AGMO: variants seen among roughly 807,000 people sequenced by gnomAD.
AGMO encodes the protein glyceryl-ether monooxygenase.
Under a neutral mutation model 60.2 loss-of-function variants are expected in AGMO, and 75 were observed. The ratio of observed to expected loss-of-function variants is 1.25; its 90% CI spans 1.03 to 1.51. The LOEUF is 1.51. Ranked by LOEUF, AGMO falls within the 40% of genes most tolerant of loss-of-function variation. The probability of loss-of-function intolerance (pLI) is 0.00; values close to 1 mark genes in which losing one functional copy is unlikely to be tolerated. For missense variants in AGMO, 763 were observed against 525.5 expected, an observed-to-expected ratio of 1.45 and a Z score of -4.42; for synonymous variants, 261 against 177.1, an observed-to-expected ratio of 1.47 and a Z score of -3.76.
At chr7:15,241,743 TTAC>T (rs1467460959) in intron 12 of AGMO, among the ~76,000 whole-genome samples, 3 of 152,154 alleles carry the variant, frequency 2.0e-5, no homozygotes, top group Non-Finnish European at 4.4e-5. Context: ...CCATTTATTG[TTAC>T]ATAATTTTGT....
rs1478712319 is a variant in AGMO, at chr7:15,551,149, A to G, written c.258-6226T>C. On this transcript the variant is annotated intron_variant, in intron 2 of 12. Coordinates refer to ENST00000342526, the MANE Select transcript of AGMO (RefSeq NM_001004320.2). ...ATGCTAAAAGCTCTCAATAAATTAG[A>G]TATTGATGGGACGTATTTCAAAATA... Among the ~76,000 whole-genome samples the G allele has an allele frequency of 3.9e-5, 6 of 152,296 alleles. No homozygotes were observed. The East Asian group carries it at 5.8e-4, about 15-fold the overall frequency.
At chr7:15,512,804 C>A (rs574002669) in intron 3 of AGMO, among the ~76,000 whole-genome samples, 5 of 152,014 alleles carry the variant, frequency 3.3e-5, no homozygotes, top group African/African-American at 1.2e-4. Context: ...TACATGAAAC[C>A]GCACTTTATT....
chr7:15,448,605 A>C (rs1781768913), intron 3 of AGMO, among the ~76,000 whole-genome samples: 1 of 122,620 alleles, frequency 8.2e-6, no homozygotes, highest in Admixed American at 8.5e-5. Context: ...TTCTCCATAA[A>C]GTTTAATTTT....
At chr7:15,140,927 T>TTG in the AGMO span, among the ~76,000 whole-genome samples, 1 of 152,166 alleles carries the variant, frequency 6.6e-6, no homozygotes, top group African/African-American at 2.4e-5. Context: ...ATTTGTTTTC[T>TTG]TGTGTGTTTG....
chr7:15,461,130 G>A (rs1782130815), intron 3 of AGMO, among the ~76,000 whole-genome samples: 1 of 151,950 alleles, frequency 6.6e-6, no homozygotes, highest in Admixed American at 6.6e-5. Context: ...TCCAGCTGAA[G>A]CCTGAGTCAT....
chr7:15,450,428 A>G (rs1583565174), intron 3 of AGMO, among the ~76,000 whole-genome samples: 3 of 152,104 alleles, frequency 2.0e-5, no homozygotes, highest in South Asian at 4.2e-4. Context: ...TCAAAAAAAA[A>G]AAAAAGAAAA....
intron 3 of AGMO, among the ~76,000 whole-genome samples, chr7:15,518,691 G>A (rs1783892046): frequency 6.6e-6 from 1 of 152,016 alleles, no homozygotes; most frequent in African/African-American, 2.4e-5. Context: ...AAGACCAAAG[G>A]TAGACAAATC....
At chr7:15,549,578 A>G (rs1391223501) in intron 2 of AGMO, among the ~76,000 whole-genome samples, 2 of 150,726 alleles carry the variant, frequency 1.3e-5, no homozygotes, top group Non-Finnish European at 3.0e-5. Context: ...GAAGGCCATT[A>G]CATAATGGTA....
chr7:15,192,074 G>C, the AGMO span, among the ~76,000 whole-genome samples: 5 of 151,806 alleles, frequency 3.3e-5, no homozygotes, highest in Admixed American at 6.6e-5. Context: ...ATTCAAAACT[G>C]TTTCCAAAAT....
chr7:15,395,741 A>G (rs1184256797), intron 5 of AGMO, among the ~76,000 whole-genome samples: 4 of 152,242 alleles, frequency 2.6e-5, no homozygotes, highest in Non-Finnish European at 5.9e-5. Flanking sequence ...AACTGCTAGT[A>G]ATGTCCATAA....
At chr7:15,478,487 A>G (rs1170980044) in intron 3 of AGMO, among the ~76,000 whole-genome samples, 1 of 152,134 alleles carries the variant, frequency 6.6e-6, no homozygotes, top group Non-Finnish European at 1.5e-5. Context: ...GCTGAAGCAA[A>G]CCAGCTAATA....
At chr7:15,120,215 C>T in the AGMO span, among the ~76,000 whole-genome samples, 1 of 151,986 alleles carries the variant, frequency 6.6e-6, no homozygotes, top group Non-Finnish European at 1.5e-5. Flanking sequence ...TTTGAAGTCA[C>T]CCCCACTAGA....
chr7:15,313,699 G>T (rs1010147996), intron 12 of AGMO, among the ~76,000 whole-genome samples: 7 of 152,148 alleles, frequency 4.6e-5, no homozygotes, highest in South Asian at 2.1e-4. Flanking sequence ...ACCTCCAGTG[G>T]ATGCCTAAAA....
chr7:15,316,335 C>A (rs1350523107), intron 12 of AGMO, among the ~76,000 whole-genome samples: 2 of 152,184 alleles, frequency 1.3e-5, no homozygotes, highest in African/African-American at 4.8e-5. Flanking sequence ...CTTACATGCA[C>A]CCCTCTTCTG....
intron 10 of AGMO, among the ~76,000 whole-genome samples, chr7:15,382,510 G>C (rs1562474292): frequency 6.6e-6 from 1 of 152,254 alleles, no homozygotes; most frequent in East Asian, 1.9e-4. Flanking sequence ...GAAGAAATGT[G>C]TCTCCGTGTG....
chr7:15,436,382 C>T (rs766684459), intron 3 of AGMO, among the ~76,000 whole-genome samples: 3 of 152,118 alleles, frequency 2.0e-5, no homozygotes, highest in African/African-American at 4.8e-5. Flanking sequence ...AGTGGAAGAA[C>T]GTTGTATTTT....
intron 3 of AGMO, among the ~76,000 whole-genome samples, chr7:15,433,687 T>C (rs1035685119): frequency 1.3e-5 from 2 of 152,002 alleles, no homozygotes; most frequent in Admixed American, 1.3e-4. Context: ...TAGAATAAGC[T>C]TCTCTCTGTG....
intron 12 of AGMO, among the ~76,000 whole-genome samples, chr7:15,283,204 C>G (rs1338151378): frequency 6.6e-6 from 1 of 151,964 alleles, no homozygotes; most frequent in Admixed American, 6.6e-5. Context: ...ATCTAGATAA[C>G]ATTTTGCCTG....
At chr7:15,302,895 T>C (rs1780493575) in intron 12 of AGMO, among the ~76,000 whole-genome samples, 2 of 152,168 alleles carry the variant, frequency 1.3e-5, no homozygotes, top group South Asian at 4.1e-4. Context: ...AGGCATTACA[T>C]CTTGACTATG....
Sources: gnomAD v4.1 joint callset for allele counts (sites outside exome capture counted in the v4.1 genomes callset) on GRCh38, gnomAD v4.1.1 for gene constraint, MANE v1.5 for transcripts, NCBI Gene and HGNC (gene_info 2026-07-23, HGNC 2026-07-21) for gene names.